Variants in ZNF475 observed in about 807,000 individuals in gnomAD.
ZNF475 encodes the protein zinc finger protein 475.
the ZNF475 span, among the ~76,000 whole-genome samples, chr5:122,161,686 T>G: frequency 6.6e-6 from 1 of 152,138 alleles, no homozygotes; most frequent in South Asian, 2.1e-4. Context: ...ACAAATTGAG[T>G]GTCTGCCGTA....
At chr5:122,173,016 G>C in the ZNF475 span, among the ~76,000 whole-genome samples, 3 of 152,014 alleles carry the variant, frequency 2.0e-5, no homozygotes, top group East Asian at 1.9e-4. Flanking sequence ...CTCGGCAACA[G>C]AGCGAGACTC....
At chr5:122,166,611 T>C in the ZNF475 span, among the ~76,000 whole-genome samples, 6,012 of 152,170 alleles carry the variant, frequency 0.04, 391 homozygotes, top group African/African-American at 0.14. Context: ...TCTGTCCTTG[T>C]GATTGCTGAA....
chr5:122,170,914 A>G, the ZNF475 span, among the ~76,000 whole-genome samples: 1 of 152,170 alleles, frequency 6.6e-6, no homozygotes, highest in Admixed American at 6.5e-5. Flanking sequence ...GAAACAGGGA[A>G]AAGGACCAAA....
At chr5:122,169,101 C>T in the ZNF475 span, among the ~76,000 whole-genome samples, 3 of 152,160 alleles carry the variant, frequency 2.0e-5, no homozygotes, top group African/African-American at 7.2e-5. Flanking sequence ...CTCTAAGCAG[C>T]CTTCTTGTTT....
the ZNF475 span, among the ~76,000 whole-genome samples, chr5:122,173,388 A>C: frequency 6.6e-6 from 1 of 152,168 alleles, no homozygotes; most frequent in Admixed American, 6.5e-5. Flanking sequence ...TTCTCCAACA[A>C]ATCAGCCTCT....
chr5:122,166,563 A>T, the ZNF475 span, among the ~76,000 whole-genome samples: 1 of 152,128 alleles, frequency 6.6e-6, no homozygotes, highest in South Asian at 2.1e-4. Flanking sequence ...TCATTGTTCA[A>T]TTCCCACCTA....
the ZNF475 span, among the ~76,000 whole-genome samples, chr5:122,173,503 T>G: frequency 6.6e-6 from 1 of 152,234 alleles, no homozygotes; most frequent in African/African-American, 2.4e-5. Context: ...ATACAATAAT[T>G]AGGATAAAAG....
the ZNF475 span, among the ~76,000 whole-genome samples, chr5:122,173,426 GCTTCAATAGTGATATTATGA>G: frequency 6.6e-6 from 1 of 152,178 alleles, no homozygotes; most frequent in Non-Finnish European, 1.5e-5. Context: ...TTTCTCCCCT[GCTTCAATAGTGATATTATGA>G]CTATTTATTT....
At chr5:122,167,529 A>G in the ZNF475 span, among the ~76,000 whole-genome samples, 3 of 152,192 alleles carry the variant, frequency 2.0e-5, no homozygotes, top group African/African-American at 7.2e-5. Flanking sequence ...AAAATACATT[A>G]CTTGATTCTG....
the ZNF475 span, among the ~76,000 whole-genome samples, chr5:122,173,791 G>A: frequency 1.3e-5 from 2 of 152,178 alleles, no homozygotes; most frequent in African/African-American, 4.8e-5. Flanking sequence ...AAATTGTGAT[G>A]AGCCCTGATA....
the ZNF475 span, among the ~76,000 whole-genome samples, chr5:122,161,118 C>G: frequency 6.6e-6 from 1 of 152,220 alleles, no homozygotes; most frequent in Admixed American, 6.5e-5. Context: ...TCTTCTCTCC[C>G]TTTATGTTGT....
the ZNF475 span, among the ~76,000 whole-genome samples, chr5:122,175,914 G>A: frequency 6.6e-6 from 1 of 152,052 alleles, no homozygotes; most frequent in Non-Finnish European, 1.5e-5. Flanking sequence ...CAAGTTTTTT[G>A]AAAGTGTATT....
the ZNF475 span, among the ~76,000 whole-genome samples, chr5:122,175,649 G>A: frequency 6.6e-6 from 1 of 152,112 alleles, no homozygotes; most frequent in African/African-American, 2.4e-5. Flanking sequence ...ATGTATGTGA[G>A]CACCACCAAT....
chr5:122,170,941 C>T, the ZNF475 span, among the ~76,000 whole-genome samples: 3 of 152,140 alleles, frequency 2.0e-5, no homozygotes, highest in Non-Finnish European at 4.4e-5. Context: ...TTTAAAAGCT[C>T]CTATCACCCC....
the ZNF475 span, among the ~76,000 whole-genome samples, chr5:122,163,816 G>A: frequency 7.0e-4 from 107 of 152,264 alleles, no homozygotes; most frequent in African/African-American, 2.4e-3. Flanking sequence ...CTTGGAAATC[G>A]GTCTCATGCC....
At chr5:122,167,247 C>T in the ZNF475 span, among the ~76,000 whole-genome samples, 13,082 of 152,182 alleles carry the variant, frequency 0.086, 668 homozygotes, top group South Asian at 0.12. Context: ...GGCTGCAGGG[C>T]TCAGGTCCTG....
chr5:122,171,400 T>C, the ZNF475 span, among the ~76,000 whole-genome samples: 2 of 152,316 alleles, frequency 1.3e-5, no homozygotes, highest in East Asian at 3.9e-4. Flanking sequence ...TACACAGACA[T>C]ATGTAAGTAG....
At chr5:122,182,356 T>C in the ZNF475 span, 33 of 650,430 alleles carry the variant, frequency 5.1e-5, no homozygotes, top group Non-Finnish European at 7.6e-5. Context: ...AGGTATTTCC[T>C]GAAAATATTT....
the ZNF475 span, among the ~76,000 whole-genome samples, chr5:122,166,469 A>G: frequency 8.5e-5 from 13 of 152,070 alleles, no homozygotes; most frequent in South Asian, 1.0e-3. Context: ...TATATTAGGT[A>G]TATCTCCTAA....
Sources: gnomAD v4.1 joint callset for allele counts (sites outside exome capture counted in the v4.1 genomes callset) on GRCh38, gnomAD v4.1.1 for gene constraint, MANE v1.5 for transcripts, NCBI Gene and HGNC (gene_info 2026-07-23, HGNC 2026-07-21) for gene names.